Variants in FGD2 observed in about 807,000 individuals in gnomAD.
FGD2 encodes the protein FYVE, RhoGEF and PH domain-containing protein 2.
Under a neutral mutation model 75.9 loss-of-function variants are expected in FGD2, and 52 were observed. That is an observed-to-expected ratio of 0.69 (90% CI 0.55 to 0.86). The LOEUF (loss-of-function observed/expected upper bound fraction) is 0.86. Ranked by LOEUF, FGD2 falls within the 40% of genes least tolerant of loss-of-function variation. The pLI is 0.00. For missense variants in FGD2, 790 were observed against 872.0 expected, an observed-to-expected ratio of 0.91 and a Z score of 1.18; for synonymous variants, 347 against 348.6, an observed-to-expected ratio of 1.00 and a Z score of 0.05.
rs750902984 is a variant in FGD2 at position 37,009,012 on chromosome 6, G to A, written c.247G>A (p.Glu83Lys). 8.1e-6 allele frequency: 13 copies of A among 1,614,124 alleles called. No homozygotes were observed. The highest frequency in any genetic ancestry group is 6.7e-5 in the East Asian group (3 of 44,900). Residue 83 changes from glutamate (E) to lysine (K), a missense_variant, in exon 2 of 16, where the codon GAA becomes AAA. Transcript: ENST00000274963. ...LNSLKNKLSS[E>K]AWRKSCQPVT... Reference sequence around the variant, plus strand: ...CTCCCTGAAGAACAAGCTGTCCAGCGAAGCCTGGAGGAAATCTTGCCAGCC... The same window carrying A: ...CTCCCTGAAGAACAAGCTGTCCAGCAAAGCCTGGAGGAAATCTTGCCAGCC...
chr6:37,020,493 A>C, intron 9 of FGD2, 48 bp from the exon 10 acceptor site: 394 of 1,480,618 alleles, frequency 2.7e-4, no homozygotes, highest in Non-Finnish European at 3.3e-4. Flanking sequence ...TGTGCCTGGG[A>C]CCCGGGCTAT....
intron 14 of FGD2, 140 bp from the exon 15 acceptor site, chr6:37,027,289 C>T: frequency 1.0e-6 from 1 of 962,022 alleles, no homozygotes; most frequent in Non-Finnish European, 1.5e-6. Context: ...CTTGATGGGA[C>T]CTCTCTGAGC....
Position 37,015,631 on chromosome 6 carries a change from G to A in FGD2, c.1030-137G>A, listed in dbSNP as rs1168973553. On this transcript the variant is annotated intron_variant, in intron 8 of 15. Transcript: ENST00000274963. The stretch of plus-strand genomic sequence containing the variant: ...CATCATCACCTGTGATGTCCTGTGA[G>A]CAGGCTGGCCAGAGTGTGTTCAAAG... 3 of 750,658 alleles carry A rather than the reference G, an allele frequency of 4.0e-6. 1 individual carries two copies. The highest frequency in any genetic ancestry group is 2.3e-6 in the Non-Finnish European group (1 of 435,138). The allele number at this position is 750,658 out of a possible 1,614,324, so 46.5% of individuals were successfully genotyped here.
At chr6:37,024,638 C>T (rs1253027374) in intron 13 of FGD2, 2 of 151,854 alleles carry the variant, frequency 1.3e-5, no homozygotes, top group African/African-American at 2.4e-5. Context: ...CAAAATTAAA[C>T]GTTGGTAGAG....
chr6:37,006,821 G>A (rs573091674), intron 1 of FGD2, among the ~76,000 whole-genome samples: 6 of 152,278 alleles, frequency 3.9e-5, no homozygotes, highest in African/African-American at 1.4e-4. Context: ...GCCGGGCAGG[G>A]GGAGATGCTG....
chr6:37,025,268 T>C (rs1199850039), intron 13 of FGD2: 3 of 156,970 alleles, frequency 1.9e-5, no homozygotes, highest in Admixed American at 1.8e-4. Context: ...TCTGCCTGAA[T>C]CTTAAAGCTA....
Position 37,028,186 on chromosome 6 carries a change from C to A in FGD2, c.*23C>A, listed in dbSNP as rs1268201429. 1.3e-6 allele frequency: 2 copies of A among 1,506,462 alleles called. No individual in the cohort carries two copies. The highest frequency in any genetic ancestry group is 2.4e-5 in the East Asian group (1 of 42,074). 93.3% of individuals were successfully genotyped at this position (1,506,462 alleles called of 1,614,324 possible). ...TGAGCCACTGCCAGCCGCTCTCCTG[C>A]CCACCTCTCCCCACCCTGAACCCAG... On this transcript the variant is annotated 3_prime_UTR_variant, in exon 16 of 16. Transcript: ENST00000274963.
chr6:37,025,871 G>C lies in FGD2; in HGVS notation c.1538G>C (p.Cys513Ser), dbSNP rs1164920540. ...AGGCCCAACCGAGTCTGCCTCCACT[G>C]CTACGCATTCCTCACTGGAAATGTG... ...DNRPNRVCLH[C>S]YAFLTGNVLP... is the part of the protein sequence containing the mutation. The change falls in exon 14 of 16, where the codon TGC becomes TCC. Residue 513 changes from cysteine (C) to serine (S), a missense_variant. Physicochemically the swap from Cys to Ser is moderately radical, Grantham distance 112. Coordinates refer to ENST00000274963, the MANE Select transcript of FGD2 (RefSeq NM_173558.4). 2 of 1,614,204 alleles carry C rather than the reference G, an allele frequency of 1.2e-6. No individual in the cohort carries two copies. The highest frequency in any genetic ancestry group is 3.3e-5 in the Admixed American group (2 of 60,030).
chr6:37,009,926 A>G (rs528706060), intron 2 of FGD2: 2 of 151,552 alleles, frequency 1.3e-5, no homozygotes, highest in Admixed American at 1.3e-4. Flanking sequence ...AGACAGGAGA[A>G]TCACTTGAAT....
intron 1 of FGD2, 53 bp from the exon 2 acceptor site, chr6:37,008,781 T>C: frequency 1.3e-6 from 2 of 1,483,630 alleles, no homozygotes; most frequent in Non-Finnish European, 1.8e-6. Context: ...GACTTGCTGC[T>C]GTTTTCCCTG....
chr6:37,010,473 G>T (rs1467820636), intron 2 of FGD2, among the ~76,000 whole-genome samples: 1 of 152,188 alleles, frequency 6.6e-6, no homozygotes, highest in African/African-American at 2.4e-5. Context: ...TTGGTTGGCG[G>T]ACGCAGTTTA....
chr6:37,011,795 C>T lies in FGD2; in HGVS notation c.468C>T (p.Ser156=). ...GGGTCATCTTCTCCAACATCTCCTC[C>T]ATCTATCAGTTCCATTCTCAGTTCT... The part of the protein sequence containing the change: ...VVRVIFSNIS[S]IYQFHSQFFL... The change falls in exon 4 of 16, where the codon TCC becomes TCT. Residue 156 remains serine (S), a synonymous_variant. Transcript: ENST00000274963. 2 of 1,614,186 alleles carry T rather than the reference C, an allele frequency of 1.2e-6. No individual in the cohort carries two copies. Among genetic ancestry groups the T allele is most frequent in the Non-Finnish European group, 1.7e-6 (2 of 1,180,036 alleles).
chr6:37,006,220 G>A (rs140958792), intron 1 of FGD2, among the ~76,000 whole-genome samples: 10 of 152,304 alleles, frequency 6.6e-5, no homozygotes, highest in East Asian at 1.9e-4. Flanking sequence ...AAGAATTTAC[G>A]CCCTATGATT....
chr6:37,017,507 G>A (rs932358845), intron 9 of FGD2, among the ~76,000 whole-genome samples: 4 of 152,302 alleles, frequency 2.6e-5, no homozygotes, highest in South Asian at 2.1e-4. Context: ...CTCTGCTGTC[G>A]CCTATTAAGG....
At chr6:37,011,925 G>A (rs1765030968) in intron 4 of FGD2, 71 bp downstream of exon 4, 6 of 1,547,256 alleles carry the variant, frequency 3.9e-6, no homozygotes, top group Non-Finnish European at 5.2e-6. Context: ...GAGACCCCAG[G>A]GCGCTAGGTT....
Position 37,009,029 on chromosome 6 carries a change from T to A in FGD2, c.264T>A (p.Ser88=). The part of the protein sequence containing the change: ...NKLSSEAWRK[S]CQPVTLSGSG... ...TGTCCAGCGAAGCCTGGAGGAAATC[T>A]TGCCAGCCTGTGACCCTCTCAGGAT... The change falls in exon 2 of 16, where the codon TCT becomes TCA. Residue 88 remains serine (S), a synonymous_variant. Transcript: ENST00000274963. 1 of 1,614,246 alleles carries A rather than the reference T, an allele frequency of 6.2e-7. No homozygotes were observed. Among genetic ancestry groups the A allele is most frequent in the Non-Finnish European group, 8.5e-7 (1 of 1,180,034 alleles).
chr6:37,013,400 G>A, intron 4 of FGD2: 1 of 1,370,956 alleles, frequency 7.3e-7, no homozygotes, highest in Non-Finnish European at 9.4e-7. Context: ...AGGCCAACCT[G>A]GGACCAGAAC....
At chr6:37,007,543 A>T (rs1248791455) in intron 1 of FGD2, among the ~76,000 whole-genome samples, 2 of 152,236 alleles carry the variant, frequency 1.3e-5, no homozygotes, top group Non-Finnish European at 2.9e-5. Flanking sequence ...AGGAGTGGGC[A>T]GCCCTTAGAC....
chr6:37,012,537 C>T (rs1238135867), intron 4 of FGD2, among the ~76,000 whole-genome samples: 1 of 151,724 alleles, frequency 6.6e-6, no homozygotes, highest in African/African-American at 2.4e-5. Flanking sequence ...CATGGTAAAA[C>T]CCCATCTCTA....
Sources: gnomAD v4.1 joint callset for allele counts (sites outside exome capture counted in the v4.1 genomes callset) on GRCh38, gnomAD v4.1.1 for gene constraint, MANE v1.5 for transcripts, NCBI Gene and HGNC (gene_info 2026-07-23, HGNC 2026-07-21) for gene names.